The following C10orf71 variants were observed in gnomAD, a reference collection of about 807,000 sequenced individuals.
The protein encoded by C10orf71 is chromosome 10 open reading frame 71.
For synonymous variants in C10orf71, 758 were observed against 726.3 expected (o/e 1.04, Z -0.70); for missense variants, 1,869 against 1,804.5 (o/e 1.04, Z -0.65).
chr10:49,320,315 A>G (rs956404141), intron 2 of C10orf71, among the ~76,000 whole-genome samples: 1 of 152,108 alleles, frequency 6.6e-6, no homozygotes, highest in African/African-American at 2.4e-5. Context: ...GAGTGGAGAA[A>G]TGCCAGGGAC....
intron 1 of C10orf71, among the ~76,000 whole-genome samples, chr10:49,301,531 A>G (rs1848729219): frequency 6.6e-6 from 1 of 152,210 alleles, no homozygotes; most frequent in Non-Finnish European, 1.5e-5. Context: ...GCTGATGTTC[A>G]GATGTGTCAC....
Position 49,325,724 on chromosome 10 carries a change from G to T in C10orf71, c.3179G>T (p.Gly1060Val). The change falls in exon 3 of 3, where the codon GGC becomes GTC. Residue 1060 changes from glycine to valine, a missense_variant. Physicochemically the swap from Gly to Val is moderately radical, Grantham distance 109. Transcript: ENST00000374144. ...GAGAGGGCGAATTCCCCCAACCCCG[G>T]CTCCCCCGGGGAGAGCAGTGCCTGC... ...PSERANSPNP[G>V]SPGESSACSP... The T allele has an allele frequency of 6.4e-7, 1 of 1,551,526 alleles. No homozygotes were observed. The highest frequency in any genetic ancestry group is 2.0e-5 in the Admixed American group (1 of 50,992).
chr10:49,325,539 A>G lies in C10orf71; in HGVS notation c.2994A>G (p.Pro998=). ...CAGACTCAGGGAAGCTGGCAGCCCC[A>G]TGGCACATCCCCACCATTGCTTTAC... The part of the protein sequence containing the change: ...GSADSGKLAA[P]WHIPTIALPE... The change falls in exon 3 of 3, where the codon CCA becomes CCG. Residue 998 remains proline, a synonymous_variant. Coordinates refer to ENST00000374144, the MANE Select transcript of C10orf71 (RefSeq NM_001135196.2). 6.4e-7 allele frequency: 1 copy of G among 1,550,404 alleles called. No individual in the cohort carries two copies. The highest frequency in any genetic ancestry group is 1.7e-4 in the Middle Eastern group (1 of 5,982).
chr10:49,298,461 G>A (rs1189563385), upstream of C10orf71, among the ~76,000 whole-genome samples: 1 of 152,236 alleles, frequency 6.6e-6, no homozygotes, highest in Admixed American at 6.5e-5. Context: ...GGAAAAGCCA[G>A]TGGAAAAAGT....
Position 49,322,728 on chromosome 10 carries a change from A to G in C10orf71, c.183A>G (p.Arg61=). 6.2e-7 allele frequency: 1 copy of G among 1,613,924 alleles called. No individual in the cohort carries two copies. Among genetic ancestry groups the G allele is most frequent in the South Asian group, 1.1e-5 (1 of 91,066 alleles). ...SYLAVSPDIT[R]QVFGTFHQRT... ...TGGCTGTGTCCCCGGATATCACCCG[A>G]CAGGTGTTTGGGACTTTTCACCAGA... is the stretch of plus-strand genomic sequence containing the variant. The change falls in exon 3 of 3, where the codon CGA becomes CGG. Residue 61 remains arginine (R), a synonymous_variant. Coordinates refer to ENST00000374144, the MANE Select transcript of C10orf71 (RefSeq NM_001135196.2).
At position 49,325,561 on chromosome 10, in the gene C10orf71, T is replaced by C. The variant is rs1849213089; in HGVS notation, c.3016T>C (p.Leu1006=). ...CCCATGGCACATCCCCACCATTGCTTTACCCGAGGGTGACATAGAAGACCA... is the reference window on the plus strand; with the variant it reads ...CCCATGGCACATCCCCACCATTGCTCTACCCGAGGGTGACATAGAAGACCA... ...AAPWHIPTIA[L]PEGDIEDQPP... is the part of the protein sequence containing the mutation. Residue 1006 remains leucine (L), a synonymous_variant, in exon 3 of 3, where the codon TTA becomes CTA. Transcript: ENST00000374144. The C allele has an allele frequency of 1.9e-6, 3 of 1,550,558 alleles. No homozygotes were observed. The highest frequency in any genetic ancestry group is 2.6e-6 in the Non-Finnish European group (3 of 1,146,166).
rs372874033 is a variant in C10orf71, at chr10:49,320,381, G to C, written c.-144-2021G>C. Among the ~76,000 whole-genome samples the C allele has an allele frequency of 5.3e-5, 8 of 152,316 alleles. No individual in the cohort carries two copies. In the East Asian group the frequency reaches 1.5e-3, roughly 29 times the overall value. Reference sequence around the variant, plus strand: ...AGCACCTCTACTGGCCACCCCCACAGGCTGGTCCCAGAGGTAAGGGGCCCA... The same window carrying C: ...AGCACCTCTACTGGCCACCCCCACACGCTGGTCCCAGAGGTAAGGGGCCCA... On this transcript the variant is annotated intron_variant, in intron 2 of 2. Transcript: ENST00000374144.
At position 49,326,573 on chromosome 10, in the gene C10orf71, T is replaced by G. The variant is rs981206956; in HGVS notation, c.4028T>G (p.Val1343Gly). 65 of 1,550,590 alleles carry G rather than the reference T, an allele frequency of 4.2e-5. No individual in the cohort carries two copies. Among genetic ancestry groups the G allele is most frequent in the Non-Finnish European group, 5.3e-5 (61 of 1,146,878 alleles). Residue 1343 changes from valine to glycine, a missense_variant, in exon 3 of 3, where the codon GTG (valine) becomes GGG (glycine). Coordinates refer to ENST00000374144, the MANE Select transcript of C10orf71 (RefSeq NM_001135196.2). The stretch of plus-strand genomic sequence containing the variant: ...TACCCCGGCTTCCAGCCAGTGCCCG[T>G]GACGGCCTTGATGCCGCTGCGCTGC... ...VLYPGFQPVP[V>G]TALMPLRCSS...
chr10:49,325,471 G>C lies in C10orf71; in HGVS notation c.2926G>C (p.Ala976Pro), dbSNP rs1441464668. The change falls in exon 3 of 3, where the codon GCT (alanine) becomes CCT (proline). Residue 976 changes from alanine (A) to proline (P), a missense_variant. By Grantham distance (27) the Ala-to-Pro change is conservative. Transcript: ENST00000374144. ...EGDRVKAPPDAAPGLVASNCK... is the reference protein window; with the variant it reads ...EGDRVKAPPDPAPGLVASNCK... ...GGACCGGGTGAAGGCACCACCAGAT[G>C]CTGCACCTGGCCTCGTGGCAAGCAA... 2.6e-6 allele frequency: 4 copies of C among 1,550,692 alleles called. No homozygotes were observed. The Admixed American group carries it at 7.9e-5, about 30-fold the overall frequency.
chr10:49,324,134 A>C lies in C10orf71; in HGVS notation c.1589A>C (p.Lys530Thr), dbSNP rs772077867. 1.7e-5 allele frequency: 28 copies of C among 1,613,990 alleles called. No individual in the cohort carries two copies. Among genetic ancestry groups the C allele is most frequent in the Non-Finnish European group, 2.3e-5 (27 of 1,179,898 alleles). Residue 530 changes from lysine (K) to threonine (T), a missense_variant, in exon 3 of 3, where the codon AAG becomes ACG. Lys to Thr is a moderately conservative substitution (Grantham distance 78, BLOSUM62 -1). Coordinates refer to ENST00000374144, the MANE Select transcript of C10orf71 (RefSeq NM_001135196.2). ...LKVLDEKTRG[K>T]VDGKQEPVSN... is the part of the protein sequence containing the mutation. The stretch of plus-strand genomic sequence containing the variant: ...GTGCTTGATGAGAAAACTAGAGGTA[A>C]GGTTGATGGAAAGCAAGAACCTGTG...
Position 49,323,423 on chromosome 10 carries a change from C to T in C10orf71, c.878C>T (p.Thr293Ile). ...HQPKLLERKD[T>I]AGTVPESKAP... ...CCAAAGCTGCTGGAGAGAAAGGACA[C>T]AGCTGGAACCGTCCCAGAAAGCAAA... is the stretch of plus-strand genomic sequence containing the variant. The change falls in exon 3 of 3, where the codon ACA (threonine) becomes ATA (isoleucine). Residue 293 changes from threonine (T) to isoleucine (I), a missense_variant. Physicochemically the swap from Thr to Ile is moderately conservative, Grantham distance 89. Coordinates refer to ENST00000374144, the MANE Select transcript of C10orf71 (RefSeq NM_001135196.2). 6.2e-7 allele frequency: 1 copy of T among 1,614,034 alleles called. No homozygotes were observed. The highest frequency in any genetic ancestry group is 1.1e-5 in the South Asian group (1 of 91,078).
At chr10:49,322,210 T>C (rs1849105203) in intron 2 of C10orf71, among the ~76,000 whole-genome samples, 192 bp from the exon 3 acceptor site, 8 of 152,212 alleles carry the variant, frequency 5.3e-5, no homozygotes, top group Admixed American at 5.2e-4. Flanking sequence ...CTACTGATTT[T>C]AGTGTTAATC....
chr10:49,315,136 C>T (rs577967527), intron 1 of C10orf71, among the ~76,000 whole-genome samples: 6 of 152,230 alleles, frequency 3.9e-5, no homozygotes, highest in African/African-American at 1.2e-4. Context: ...GATGGGGCCT[C>T]GCCGTATGGT....
intron 1 of C10orf71, among the ~76,000 whole-genome samples, chr10:49,307,647 CCCAACTCTG>C (rs369861942): frequency 4.2e-4 from 64 of 152,346 alleles, no homozygotes; most frequent in African/African-American, 1.5e-3. Context: ...CACACCTCGT[CCCAACTCTG>C]CCTGGGATAT....
At chr10:49,317,761 A>G (rs1456996811) in intron 2 of C10orf71, among the ~76,000 whole-genome samples, 1 of 152,200 alleles carries the variant, frequency 6.6e-6, no homozygotes, top group Non-Finnish European at 1.5e-5. Context: ...CAAGGTGGGA[A>G]GATCACTTGA....
At position 49,311,238 on chromosome 10, in the gene C10orf71, T is replaced by TG. The variant is rs1294761702; in HGVS notation, c.-247-4902dup. On this transcript the variant is annotated intron_variant, in intron 1 of 2. Transcript: ENST00000374144. ...GGACCTGACAAGCTCCTCAGTTATG[T>TG]GGGGGACACCTGCAATAGGGCTTGG... is the stretch of plus-strand genomic sequence containing the variant. Among the ~76,000 whole-genome samples the TG allele has an allele frequency of 5.9e-5, 9 of 152,184 alleles. No individual in the cohort carries two copies. The South Asian group carries it at 1.7e-3, about 28-fold the overall frequency.
At chr10:49,307,771 G>A (rs1848840062) in intron 1 of C10orf71, among the ~76,000 whole-genome samples, 1 of 152,222 alleles carries the variant, frequency 6.6e-6, no homozygotes, top group Admixed American at 6.5e-5. Context: ...TCAGGGAACA[G>A]GAACCAGGAG....
rs1849233701 is a variant in C10orf71, at chr10:49,326,019, G to A, written c.3474G>A (p.Glu1158=). ...TSPAGTSGRL[E]LPAQLERTAS... is the part of the protein sequence containing the mutation. ...CAGCAGGCACCTCTGGGAGACTTGAGCTTCCTGCACAGCTAGAGAGGACAG... is the reference window on the plus strand; with the variant it reads ...CAGCAGGCACCTCTGGGAGACTTGAACTTCCTGCACAGCTAGAGAGGACAG... The change falls in exon 3 of 3, where the codon GAG becomes GAA. Residue 1158 remains glutamate (E), a synonymous_variant. Transcript: ENST00000374144. 2.6e-6 allele frequency: 4 copies of A among 1,551,704 alleles called. No individual in the cohort carries two copies. The highest frequency in any genetic ancestry group is 3.5e-6 in the Non-Finnish European group (4 of 1,147,006).
intron 1 of C10orf71, among the ~76,000 whole-genome samples, chr10:49,315,910 G>T (rs191042113): frequency 6.6e-6 from 1 of 152,266 alleles, no homozygotes. Flanking sequence ...ACAAAACTTA[G>T]CTGGGCATAG....
Sources: gnomAD v4.1 joint callset for allele counts (sites outside exome capture counted in the v4.1 genomes callset) on GRCh38, gnomAD v4.1.1 for gene constraint, MANE v1.5 for transcripts, NCBI Gene and HGNC (gene_info 2026-07-23, HGNC 2026-07-21) for gene names.